Variants in TENM2 observed in about 807,000 individuals in gnomAD.
TENM2 encodes teneurin-2.
In TENM2, 52 loss-of-function variants were observed where a neutral mutation model predicts 245.2. The observed-to-expected ratio is 0.21, with a 90% CI of 0.17 to 0.27. The LOEUF is 0.27. Among genes scored for constraint, TENM2 ranks in the 10% least tolerant of loss-of-function variants. The pLI is 1.00. For missense variants in TENM2, 3,046 were observed against 3,666.8 expected (o/e 0.83, Z 4.37); for synonymous variants, 1,363 against 1,438.9 (o/e 0.95, Z 1.19).
chr5:167,265,627 C>G, the TENM2 span, among the ~76,000 whole-genome samples: 1 of 152,058 alleles, frequency 6.6e-6, no homozygotes, highest in African/African-American at 2.4e-5. Flanking sequence ...CTGGAAGGTA[C>G]TAGAACTAGG....
At chr5:167,843,993 G>A (rs1443807283) in intron 2 of TENM2, among the ~76,000 whole-genome samples, 2 of 152,160 alleles carry the variant, frequency 1.3e-5, no homozygotes, top group Non-Finnish European at 2.9e-5. Flanking sequence ...TCACTGGTGA[G>A]GCATCTCTTT....
At position 168,218,761 on chromosome 5, in the gene TENM2, G is replaced by A; in HGVS notation, c.4870G>A (p.Asp1624Asn). 6.2e-7 allele frequency: 1 copy of A among 1,613,996 alleles called. No individual in the cohort carries two copies. Among genetic ancestry groups the A allele is most frequent in the South Asian group, 1.1e-5 (1 of 91,068 alleles). The change falls in exon 23 of 29, where the codon GAT becomes AAT. Residue 1624 changes from aspartate to asparagine, a missense_variant. This residue lies in a region of TENM2 where 2,704 missense variants were observed against 3,331.9 expected (regional missense o/e 0.81). Transcript: ENST00000518659. The surrounding 1 kb of genome is among the most constrained non-coding windows in gnomAD (Gnocchi z 5.2). ...CAATTTCACATATAGTACTGACAAT[G>A]ATGTCACTGAATTGATTGACAATAA...
intron 4 of TENM2, among the ~76,000 whole-genome samples, chr5:167,986,373 A>G (rs1209319127): frequency 1.3e-5 from 2 of 152,240 alleles, no homozygotes; most frequent in African/African-American, 4.8e-5. Context: ...CTGAGAACGC[A>G]GAACCTTTGC....
At chr5:167,698,038 C>T (rs530850229) in intron 2 of TENM2, among the ~76,000 whole-genome samples, 19 of 152,016 alleles carry the variant, frequency 1.2e-4, no homozygotes, top group Admixed American at 1.3e-4. Context: ...CCTTTATTTT[C>T]CAAGAAAATA....
intron 2 of TENM2, among the ~76,000 whole-genome samples, chr5:167,556,753 T>C (rs767138138): frequency 4.6e-5 from 7 of 152,086 alleles, no homozygotes; most frequent in Admixed American, 1.3e-4. Flanking sequence ...GCCTAGGACA[T>C]TGGGGTGAGA....
the TENM2 span, among the ~76,000 whole-genome samples, chr5:167,272,520 C>T: frequency 6.6e-6 from 1 of 152,124 alleles, no homozygotes; most frequent in Non-Finnish European, 1.5e-5. Flanking sequence ...TCCAATAAAA[C>T]TTTTTATTAG....
chr5:167,427,620 G>A lies in TENM2; in HGVS notation c.502+52147G>A, dbSNP rs533587351. On this transcript the variant is annotated intron_variant, in intron 2 of 28. Transcript: ENST00000518659. ...AAGGGACGGGAGGGAAGGAAGGGAA[G>A]GAAGAAAGGACGGAAAGGAAGGGAA... Among the ~76,000 whole-genome samples, 8 of 83,694 alleles carry A rather than the reference G, an allele frequency of 9.6e-5. No homozygotes were observed. The East Asian group carries it at 2.1e-3, about 22-fold the overall frequency. 54.9% of individuals were successfully genotyped at this position (83,694 alleles called of 152,430 possible).
At chr5:167,933,572 A>G (rs1014787822) in intron 3 of TENM2, among the ~76,000 whole-genome samples, 2 of 152,172 alleles carry the variant, frequency 1.3e-5, no homozygotes, top group African/African-American at 4.8e-5. Context: ...TCCACACAGC[A>G]TGGTTAAAAT....
At chr5:168,129,310 A>G (rs1361300754) in intron 12 of TENM2, 1 of 152,208 alleles carries the variant, frequency 6.6e-6, no homozygotes, top group Non-Finnish European at 1.5e-5. Context: ...AGTGTTTGGT[A>G]CAGGTTTCAC....
chr5:167,211,311 G>A, the TENM2 span, among the ~76,000 whole-genome samples: 7 of 152,148 alleles, frequency 4.6e-5, no homozygotes, highest in Non-Finnish European at 8.8e-5. Context: ...AAATATATGT[G>A]ATAGTTTGTA....
chr5:167,450,315 T>A (rs1266598035), intron 2 of TENM2, among the ~76,000 whole-genome samples: 1 of 152,206 alleles, frequency 6.6e-6, no homozygotes, highest in Non-Finnish European at 1.5e-5. Flanking sequence ...TCAAAGTCTC[T>A]TCCACAATGT....
chr5:167,967,717 G>A (rs1264461304), intron 4 of TENM2, among the ~76,000 whole-genome samples: 1 of 152,216 alleles, frequency 6.6e-6, no homozygotes, highest in Admixed American at 6.5e-5. Flanking sequence ...CATTGTAAGA[G>A]CAAGACTTTG....
In TENM2 at chr5:167,663,669, A is replaced by G. The variant is rs1299457509; in HGVS notation, c.503-212317A>G. ...AGAATGTTAATTGGATTTGCACAAG[A>G]TATTTTCATTTTCTATTCCATTTTG... On this transcript the variant is annotated intron_variant, in intron 2 of 28. Coordinates refer to ENST00000518659, the Ensembl canonical transcript of TENM2. 3.3e-5 allele frequency among the ~76,000 whole-genome samples: 5 copies of G among 152,030 alleles called. No individual in the cohort carries two copies. In the South Asian group the frequency reaches 6.2e-4, roughly 19 times the overall value.
the TENM2 span, among the ~76,000 whole-genome samples, chr5:167,255,294 G>A: frequency 6.6e-6 from 1 of 152,050 alleles, no homozygotes; most frequent in African/African-American, 2.4e-5. Context: ...TTTACATGCA[G>A]GATAGAGTAA....
At chr5:168,051,647 G>T (rs1233495326) in intron 6 of TENM2, among the ~76,000 whole-genome samples, 1 of 152,184 alleles carries the variant, frequency 6.6e-6, no homozygotes, top group Non-Finnish European at 1.5e-5. Flanking sequence ...ATTGGAAGAT[G>T]CACTATAATA....
intron 2 of TENM2, among the ~76,000 whole-genome samples, chr5:167,517,917 G>A (rs568457440): frequency 3.9e-5 from 6 of 152,188 alleles, no homozygotes; most frequent in Admixed American, 6.5e-5. Flanking sequence ...GCCGGGCACC[G>A]TGGCTCATGT....
chr5:167,487,629 G>T (rs969678315), intron 2 of TENM2, among the ~76,000 whole-genome samples: 1 of 152,124 alleles, frequency 6.6e-6, no homozygotes, highest in Non-Finnish European at 1.5e-5. Flanking sequence ...GTCTTTCATT[G>T]TAATTAACTA....
intron 2 of TENM2, among the ~76,000 whole-genome samples, chr5:167,798,966 G>C (rs918405703): frequency 6.6e-6 from 1 of 152,148 alleles, no homozygotes; most frequent in South Asian, 2.1e-4. Flanking sequence ...CTGCACTGCC[G>C]TCCATGAACA....
At chr5:167,311,631 T>A (rs187981024) in intron 1 of TENM2, among the ~76,000 whole-genome samples, 1 of 152,344 alleles carries the variant, frequency 6.6e-6, no homozygotes, top group African/African-American at 2.4e-5. Flanking sequence ...TCAGTGAACA[T>A]CTTTTACATA....
Sources: gnomAD v4.1 joint callset for allele counts (sites outside exome capture counted in the v4.1 genomes callset) on GRCh38, gnomAD v4.1.1 for gene constraint, gnomAD v4.1.1 regional missense constraint, Gnocchi (gnomAD v3.1) non-coding constraint, MANE v1.5 for transcripts, NCBI Gene and HGNC (gene_info 2026-07-23, HGNC 2026-07-21) for gene names.